CCSER1: variants seen among roughly 807,000 people sequenced by gnomAD.
CCSER1 encodes serine-rich coiled-coil domain-containing protein 1.
CCSER1 carries 41 observed loss-of-function variants against 82.0 expected under a neutral mutation model. The ratio of observed to expected loss-of-function variants is 0.50; its 90% CI spans 0.39 to 0.65. CCSER1 has a LOEUF of 0.65. CCSER1 is among the 30% of genes least tolerant of loss of function. The pLI is 0.00. For missense variants in CCSER1, 1,119 were observed against 1,064.2 expected, an observed-to-expected ratio of 1.05 and a Z score of -0.72; for synonymous variants, 414 against 383.9, an observed-to-expected ratio of 1.08 and a Z score of -0.92.
intron 10 of CCSER1, among the ~76,000 whole-genome samples, chr4:91,149,793 G>T (rs910769108): frequency 6.6e-6 from 1 of 152,214 alleles, no homozygotes; most frequent in Middle Eastern, 3.4e-3. Flanking sequence ...GGTAGTAGAT[G>T]TGTGATATGA....
At chr4:90,474,384 A>T (rs1263800594) in intron 5 of CCSER1, among the ~76,000 whole-genome samples, 1 of 152,190 alleles carries the variant, frequency 6.6e-6, no homozygotes, top group African/African-American at 2.4e-5. Flanking sequence ...CGTGGGAGGA[A>T]AAGGAAGCCA....
Position 91,338,846 on chromosome 4 carries a change from G to A in CCSER1, c.2217+252852G>A, listed in dbSNP as rs1299904952. ...TTCCTGGTGATGCCCACATGCTGAT[G>A]TAGTTTTCTCTTTAAATATATATAT... On this transcript the variant is annotated intron_variant, in intron 10 of 10. Coordinates refer to ENST00000509176, the MANE Select transcript of CCSER1 (RefSeq NM_001145065.2). Among the ~76,000 whole-genome samples, 45 of 152,048 alleles carry A rather than the reference G, an allele frequency of 3.0e-4. 1 individual carries two copies. Among genetic ancestry groups the A allele is most frequent in the Non-Finnish European group, 1.5e-4 (10 of 67,974 alleles).
chr4:91,186,939 T>C (rs1307953209), intron 10 of CCSER1, among the ~76,000 whole-genome samples: 1 of 152,240 alleles, frequency 6.6e-6, no homozygotes, highest in Non-Finnish European at 1.5e-5. Context: ...AGGGCCATTA[T>C]GAACATGTTA....
At chr4:91,469,659 A>T (rs553793872) in intron 10 of CCSER1, among the ~76,000 whole-genome samples, 1 of 152,304 alleles carries the variant, frequency 6.6e-6, no homozygotes, top group Non-Finnish European at 1.5e-5. Context: ...CTGTGTACAA[A>T]TGCTTAACTA....
chr4:90,779,285 CCT>C, intron 7 of CCSER1, among the ~76,000 whole-genome samples: 1 of 151,944 alleles, frequency 6.6e-6, no homozygotes, highest in Admixed American at 6.5e-5. Context: ...GTGTTTTCTT[CCT>C]CTTTTTCTGT....
intron 10 of CCSER1, chr4:91,129,743 A>C (rs1025862201): frequency 6.6e-6 from 1 of 151,992 alleles, no homozygotes; most frequent in African/African-American, 2.4e-5. Context: ...TGAGCCAATA[A>C]ATTATTCTAT....
At chr4:91,158,704 C>T (rs933990494) in intron 10 of CCSER1, among the ~76,000 whole-genome samples, 6 of 151,810 alleles carry the variant, frequency 4.0e-5, no homozygotes, top group African/African-American at 9.7e-5. Context: ...CACACACACA[C>T]GGCCTTGTAA....
chr4:90,726,501 A>C (rs1479475259), intron 7 of CCSER1, among the ~76,000 whole-genome samples: 2 of 152,098 alleles, frequency 1.3e-5, no homozygotes, highest in Non-Finnish European at 2.9e-5. Flanking sequence ...TTAGAGATAC[A>C]TGAATTTAAA....
intron 10 of CCSER1, among the ~76,000 whole-genome samples, chr4:91,422,722 A>G (rs1396291316): frequency 6.6e-6 from 1 of 152,218 alleles, no homozygotes; most frequent in African/African-American, 2.4e-5. Flanking sequence ...GCATTAAGAT[A>G]AAAGGATCCT....
At chr4:91,354,412 G>A (rs1445391098) in intron 10 of CCSER1, among the ~76,000 whole-genome samples, 3 of 152,174 alleles carry the variant, frequency 2.0e-5, no homozygotes, top group East Asian at 3.8e-4. Flanking sequence ...ATTAGCATAA[G>A]CTCTGTGTCC....
In CCSER1 at chr4:90,489,741, A is replaced by G. The variant is rs1767673579; in HGVS notation, c.1724+21387A>G. On this transcript the variant is annotated intron_variant, in intron 5 of 10. Transcript: ENST00000509176. ...CTGTGTCCAGGTGTTCTCATTGTTT[A>G]ATTCCCACCTATGAGTGAGAACATG... 2.0e-5 allele frequency among the ~76,000 whole-genome samples: 3 copies of G among 152,134 alleles called. No homozygotes were observed. In the South Asian group the frequency reaches 6.2e-4, roughly 32 times the overall value.
chr4:90,363,475 T>A (rs1745743249), intron 3 of CCSER1, among the ~76,000 whole-genome samples: 1 of 152,232 alleles, frequency 6.6e-6, no homozygotes, highest in East Asian at 1.9e-4. Flanking sequence ...GTTGGGGGGT[T>A]CTCTTTGTTT....
chr4:91,052,143 A>G (rs928336394), intron 9 of CCSER1, among the ~76,000 whole-genome samples: 1 of 152,092 alleles, frequency 6.6e-6, no homozygotes, highest in Admixed American at 6.6e-5. Context: ...TACATTGAAT[A>G]GAACAGGAAT....
intron 7 of CCSER1, among the ~76,000 whole-genome samples, chr4:90,744,575 G>C (rs1030590845): frequency 7.9e-5 from 12 of 152,074 alleles, no homozygotes; most frequent in African/African-American, 2.7e-4. Context: ...TAAAATAATA[G>C]ACTTTACAGA....
chr4:90,824,175 A>G (rs574650452), intron 8 of CCSER1, among the ~76,000 whole-genome samples: 6 of 152,114 alleles, frequency 3.9e-5, no homozygotes, highest in Middle Eastern at 3.4e-3. Context: ...GTGTTATTCA[A>G]CCTACTGTGT....
intron 10 of CCSER1, among the ~76,000 whole-genome samples, chr4:91,442,330 C>T (rs1445694004): frequency 1.3e-5 from 2 of 152,236 alleles, no homozygotes; most frequent in South Asian, 2.1e-4. Flanking sequence ...TATCTACCAC[C>T]ATCTGATCTT....
At chr4:91,133,850 C>T (rs1481102630) in intron 10 of CCSER1, among the ~76,000 whole-genome samples, 3 of 152,304 alleles carry the variant, frequency 2.0e-5, no homozygotes, top group East Asian at 3.9e-4. Flanking sequence ...CCTGTAATCT[C>T]AGCCCTTTGG....
At chr4:90,534,341 G>A (rs753683256) in intron 5 of CCSER1, among the ~76,000 whole-genome samples, 2 of 152,130 alleles carry the variant, frequency 1.3e-5, no homozygotes, top group African/African-American at 2.4e-5. Flanking sequence ...ATGTTAGCCA[G>A]TATGGTCTTG....
intron 9 of CCSER1, among the ~76,000 whole-genome samples, chr4:91,028,722 A>G (rs1581375351): frequency 1.3e-5 from 2 of 150,246 alleles, no homozygotes; most frequent in South Asian, 4.2e-4. Context: ...AAAAAAAAAA[A>G]TTAATGCTCG....
Sources: gnomAD v4.1 joint callset for allele counts (sites outside exome capture counted in the v4.1 genomes callset) on GRCh38, gnomAD v4.1.1 for gene constraint, MANE v1.5 for transcripts, NCBI Gene and HGNC (gene_info 2026-07-23, HGNC 2026-07-21) for gene names.